Variants in FRMPD1 observed in about 807,000 individuals in gnomAD.
The protein encoded by FRMPD1 is FERM and PDZ domain-containing protein 1.
Under a neutral mutation model 117.8 loss-of-function variants are expected in FRMPD1, and 76 were observed. The observed-to-expected ratio is 0.65, with a 90% CI of 0.54 to 0.78. FRMPD1 has a LOEUF of 0.78. Ranked by LOEUF, FRMPD1 falls within the 30% of genes least tolerant of loss-of-function variation. The probability of loss-of-function intolerance (pLI) is 0.00; values close to 1 mark genes in which losing one functional copy is unlikely to be tolerated. For synonymous variants in FRMPD1, 783 were observed against 770.4 expected, an observed-to-expected ratio of 1.02 and a Z score of -0.27; for missense variants, 1,786 against 1,964.5, an observed-to-expected ratio of 0.91 and a Z score of 1.72.
chr9:37,736,986 C>G, intron 13 of FRMPD1, 110 bp from the exon 14 acceptor site: 2 of 806,926 alleles, frequency 2.5e-6, no homozygotes, highest in South Asian at 3.2e-5. Context: ...ACCTGTGGAC[C>G]ATGGCCGGAT....
chr9:37,660,925 T>A (rs927490600), intron 1 of FRMPD1, among the ~76,000 whole-genome samples: 3 of 152,248 alleles, frequency 2.0e-5, no homozygotes, highest in Non-Finnish European at 4.4e-5. Flanking sequence ...TAGCTGCATC[T>A]GGCTCCCAGC....
At chr9:37,607,909 A>T in the FRMPD1 span, among the ~76,000 whole-genome samples, 2 of 152,166 alleles carry the variant, frequency 1.3e-5, no homozygotes, top group Non-Finnish European at 1.5e-5. Context: ...AAATTAATAG[A>T]CGATAGCAAG....
At chr9:37,689,806 G>A (rs1822071194) in intron 1 of FRMPD1, among the ~76,000 whole-genome samples, 1 of 152,168 alleles carries the variant, frequency 6.6e-6, no homozygotes, top group Non-Finnish European at 1.5e-5. Flanking sequence ...GACTGGGAAT[G>A]CTTTTCCCTA....
At chr9:37,718,988 G>A in intron 5 of FRMPD1, 81 bp from the exon 6 acceptor site, 3 of 830,060 alleles carry the variant, frequency 3.6e-6, no homozygotes, top group South Asian at 1.4e-5. Flanking sequence ...CAAAGTTTCT[G>A]TTTTTAAGAA....
the FRMPD1 span, among the ~76,000 whole-genome samples, chr9:37,610,729 C>G: frequency 6.6e-6 from 1 of 151,902 alleles, no homozygotes; most frequent in Admixed American, 6.6e-5. Context: ...TGAGTAGCTG[C>G]GATTACAGGC....
At chr9:37,735,514 T>A (rs1442190160) in intron 12 of FRMPD1, 38 bp from the exon 13 acceptor site, 1 of 1,481,362 alleles carries the variant, frequency 6.8e-7, no homozygotes, top group Non-Finnish European at 9.4e-7. Context: ...TTTCACTCGC[T>A]TGCGAATGGA....
At chr9:37,613,378 A>G in the FRMPD1 span, among the ~76,000 whole-genome samples, 1 of 152,238 alleles carries the variant, frequency 6.6e-6, no homozygotes, top group East Asian at 1.9e-4. Context: ...TCCCTAAAGC[A>G]AGAAGTTAAT....
chr9:37,616,159 C>T, the FRMPD1 span, among the ~76,000 whole-genome samples: 2 of 139,990 alleles, frequency 1.4e-5, no homozygotes, highest in African/African-American at 2.7e-5. Context: ...TACTCTGTCG[C>T]CCAGGCTGGA....
chr9:37,744,322 G>A, intron 15 of FRMPD1, 67 bp from the exon 16 acceptor site: 1 of 1,248,166 alleles, frequency 8.0e-7, no homozygotes, highest in South Asian at 1.5e-5. Flanking sequence ...CCCAAGGCCT[G>A]AGCCCAAGCT....
intron 1 of FRMPD1, among the ~76,000 whole-genome samples, chr9:37,668,770 A>G (rs1821251733): frequency 6.6e-6 from 1 of 152,198 alleles, no homozygotes; most frequent in Non-Finnish European, 1.5e-5. Flanking sequence ...TTTGATTAAG[A>G]TTCTTTCAGT....
chr9:37,668,874 C>T (rs890199642), intron 1 of FRMPD1, among the ~76,000 whole-genome samples: 2 of 152,128 alleles, frequency 1.3e-5, no homozygotes, highest in Non-Finnish European at 2.9e-5. Flanking sequence ...AGGCAGCATC[C>T]TTAATCATTT....
chr9:37,742,949 C>A (rs1273737095), intron 15 of FRMPD1, among the ~76,000 whole-genome samples: 1 of 152,160 alleles, frequency 6.6e-6, no homozygotes, highest in Non-Finnish European at 1.5e-5. Context: ...TAGGCCCTAG[C>A]CTCAGAGATT....
chr9:37,608,825 T>G, the FRMPD1 span, among the ~76,000 whole-genome samples: 2 of 152,354 alleles, frequency 1.3e-5, no homozygotes, highest in Non-Finnish European at 2.9e-5. Context: ...CTGTGTACAC[T>G]GAAAGTTTCA....
At chr9:37,714,329 G>C (rs1823022012) in intron 5 of FRMPD1, among the ~76,000 whole-genome samples, 1 of 152,096 alleles carries the variant, frequency 6.6e-6, no homozygotes, top group Admixed American at 6.5e-5. Context: ...CTTAATGTAG[G>C]GAGCAAGGGC....
the FRMPD1 span, among the ~76,000 whole-genome samples, chr9:37,615,631 G>A: frequency 6.6e-6 from 1 of 152,034 alleles, no homozygotes; most frequent in Non-Finnish European, 1.5e-5. Flanking sequence ...ATCACTCACT[G>A]TTGCCCTTAG....
the FRMPD1 span, among the ~76,000 whole-genome samples, chr9:37,623,256 G>T: frequency 6.6e-6 from 1 of 152,188 alleles, no homozygotes; most frequent in Non-Finnish European, 1.5e-5. Flanking sequence ...CACCATGAAC[G>T]AGACAGCCTC....
intron 5 of FRMPD1, among the ~76,000 whole-genome samples, chr9:37,714,605 A>G (rs938101706): frequency 3.6e-4 from 28 of 78,324 alleles, no homozygotes; most frequent in African/African-American, 1.3e-3. Flanking sequence ...ATTTTATTTT[A>G]TTTTATTTTA....
At chr9:37,613,796 A>G in the FRMPD1 span, among the ~76,000 whole-genome samples, 2 of 152,202 alleles carry the variant, frequency 1.3e-5, no homozygotes, top group African/African-American at 2.4e-5. Context: ...ACTATGTACT[A>G]TGTGCGGCTT....
chr9:37,735,765 A>G (rs781077471), intron 13 of FRMPD1, 31 bp downstream of exon 13: 8 of 1,558,068 alleles, frequency 5.1e-6, no homozygotes, highest in South Asian at 4.6e-5. Context: ...TCTGAATTCA[A>G]CTGCTGGAAT....
Sources: gnomAD v4.1 joint callset for allele counts (sites outside exome capture counted in the v4.1 genomes callset) on GRCh38, gnomAD v4.1.1 for gene constraint, MANE v1.5 for transcripts, NCBI Gene and HGNC (gene_info 2026-07-23, HGNC 2026-07-21) for gene names.